Variants in SH3D21 observed in about 807,000 individuals in gnomAD.
The protein encoded by SH3D21 is manchette microtubule inner protein 1.
A neutral mutation model predicts 82.1 loss-of-function variants in SH3D21; 83 were observed. That is an observed-to-expected ratio of 1.01 (90% CI 0.85 to 1.21). SH3D21 has a LOEUF of 1.21. SH3D21 is among the 50% of genes most tolerant of loss of function. SH3D21 has a pLI of 0.00. For synonymous variants in SH3D21, 383 were observed against 387.8 expected, an observed-to-expected ratio of 0.99 and a Z score of 0.15; for missense variants, 980 against 962.1, an observed-to-expected ratio of 1.02 and a Z score of -0.25.
rs1646404290 is a variant in SH3D21, at chr1:36,319,463, G to T, written c.938G>T (p.Ser313Ile). The change falls in exon 13 of 16, where the codon AGT becomes ATT. Residue 313 changes from serine (S) to isoleucine (I), a missense_variant. Ser to Ile is a moderately radical substitution (Grantham distance 142, BLOSUM62 -2). Coordinates refer to ENST00000453908, the MANE Select transcript of SH3D21 (RefSeq NM_001162530.2). ...TTAGGCCCCAATGGTGGCTTCCAAA[G>T]TGGGGGTTCGTATCACCCTGGCCGA... The part of the protein sequence containing the change: ...RDSGPNGGFQ[S>I]GGSYHPGRKR... 6.4e-7 allele frequency: 1 copy of T among 1,551,538 alleles called. No individual in the cohort carries two copies. Among genetic ancestry groups the T allele is most frequent in the Admixed American group, 2.0e-5 (1 of 50,980 alleles).
chr1:36,322,785 C>T (rs1328647108), downstream of SH3D21: 1 of 1,512,802 alleles, frequency 6.6e-7, no homozygotes, highest in Non-Finnish European at 8.9e-7. Context: ...TGTCCCACTT[C>T]CGAAAGACCC....
rs567139590 is a variant in SH3D21, at chr1:36,321,058, C to T, written c.2202C>T (p.Val734=). The T allele has an allele frequency of 1.9e-6, 3 of 1,611,408 alleles. No individual in the cohort carries two copies. The East Asian group carries it at 6.7e-5, about 36-fold the overall frequency. ...GTCTCCACCTCACTCCCGACCAGGTCCAGGTGATGCAGGGGACCCAGAAGT... is the reference window on the plus strand; with the variant it reads ...GTCTCCACCTCACTCCCGACCAGGTTCAGGTGATGCAGGGGACCCAGAAGT... The part of the protein sequence containing the change: ...SEKEQRRRLE[V]QVMQGTQKSQ... The change falls in exon 16 of 16, where the codon GTC becomes GTT. Residue 734 remains valine, a splice_region_variant and synonymous_variant. Coordinates refer to ENST00000453908, the MANE Select transcript of SH3D21 (RefSeq NM_001162530.2). The surrounding 1 kb of genome is among the most constrained non-coding windows in gnomAD (Gnocchi z 6.1).
chr1:36,326,391 C>T (rs1001692200), downstream of SH3D21, among the ~76,000 whole-genome samples: 1 of 152,022 alleles, frequency 6.6e-6, no homozygotes. Context: ...ACAACCACAC[C>T]CTGCTAATTT....
chr1:36,316,782 G>T (rs1313978064), intron 10 of SH3D21, among the ~76,000 whole-genome samples: 1 of 129,460 alleles, frequency 7.7e-6, no homozygotes, highest in Non-Finnish European at 1.6e-5. Context: ...TTTTTTTTTG[G>T]AGACTGAGTT....
rs759079957 is a variant in SH3D21 at position 36,320,007 on chromosome 1, G to A, written c.1344G>A (p.Glu448=). Residue 448 remains glutamate (E), a synonymous_variant, in exon 14 of 16, where the codon GAG becomes GAA. Coordinates refer to ENST00000453908, the MANE Select transcript of SH3D21 (RefSeq NM_001162530.2). ...CTGTGGACAAACCCTCCACTCCAGA[G>A]AGGGTCTTTTCAGTGGAAGAGTCCC... ...TLTVDKPSTP[E]RVFSVEESPA... is the part of the protein sequence containing the mutation. 1.2e-6 allele frequency: 2 copies of A among 1,614,124 alleles called. No homozygotes were observed. The highest frequency in any genetic ancestry group is 1.7e-6 in the Non-Finnish European group (2 of 1,180,014).
At chr1:36,319,603 A>T in intron 13 of SH3D21, 67 bp downstream of exon 13, 1 of 1,550,438 alleles carries the variant, frequency 6.4e-7, no homozygotes. Context: ...TGTGGTGTGC[A>T]CGGGTGAAGT....
rs1646419510 is a variant in SH3D21 at position 36,320,051 on chromosome 1, C to G, written c.1388C>G (p.Pro463Arg). 2.5e-6 allele frequency: 4 copies of G among 1,613,990 alleles called. No individual in the cohort carries two copies. Among genetic ancestry groups the G allele is most frequent in the Non-Finnish European group, 2.5e-6 (3 of 1,180,036 alleles). ...GAGTCCCCTGCCCTAGAAGCCCCACCTATGGATAAAGTCCCTAATCCAAAG... is the reference window on the plus strand; with the variant it reads ...GAGTCCCCTGCCCTAGAAGCCCCACGTATGGATAAAGTCCCTAATCCAAAG... ...VEESPALEAP[P>R]MDKVPNPKMA... Residue 463 changes from proline to arginine, a missense_variant, in exon 14 of 16, where the codon CCT becomes CGT. Coordinates refer to ENST00000453908, the MANE Select transcript of SH3D21 (RefSeq NM_001162530.2).
rs1441542552 is a variant in SH3D21, at chr1:36,320,679, C to G, written c.2016C>G (p.Leu672=). ...CAGACTCCCAAGAGACGCTCGCGCT[C>G]CCCTCGCTGGTCCCGCAAAACTACA... ...PPPDSQETLA[L]PSLVPQNYTE... The change falls in exon 14 of 16, where the codon CTC becomes CTG. Residue 672 remains leucine (L), a synonymous_variant. Coordinates refer to ENST00000453908, the MANE Select transcript of SH3D21 (RefSeq NM_001162530.2). The G allele has an allele frequency of 6.2e-7, 1 of 1,614,160 alleles. No individual in the cohort carries two copies. The highest frequency in any genetic ancestry group is 8.5e-7 in the Non-Finnish European group (1 of 1,180,054).
chr1:36,306,994 G>A lies in SH3D21; in HGVS notation c.226+89G>A, dbSNP rs950950819. 51 of 1,394,962 alleles carry A rather than the reference G, an allele frequency of 3.7e-5. No individual in the cohort carries two copies. Among genetic ancestry groups the A allele is most frequent in the Non-Finnish European group, 4.8e-5 (51 of 1,068,498 alleles). 86.4% of individuals were successfully genotyped at this position (1,394,962 alleles called of 1,614,324 possible). A position where few individuals can be genotyped will look rare whatever the true frequency, so the allele number is the denominator to read the frequency against. On this transcript the variant is annotated intron_variant, in intron 3 of 15. Transcript: ENST00000453908. This position sits in a 1 kb window ranked among gnomAD's most constrained non-coding sequence, Gnocchi z 4.5. Reference sequence around the variant, plus strand: ...TCTCCGGCTCTTAGTGACGGGCGCGGCTCTGGGCGGGACCTCGGGGCCGCC... The same window carrying A: ...TCTCCGGCTCTTAGTGACGGGCGCGACTCTGGGCGGGACCTCGGGGCCGCC...
chr1:36,308,315 T>A, intron 8 of SH3D21, 74 bp from the exon 9 acceptor site: 1 of 1,490,468 alleles, frequency 6.7e-7, no homozygotes, highest in South Asian at 1.2e-5. Flanking sequence ...ATTATATCCA[T>A]AAGAAGGAGT....
Position 36,307,055 on chromosome 1 carries a change from C to T in SH3D21, c.227-112C>T. 1 of 1,484,032 alleles carries T rather than the reference C, an allele frequency of 6.7e-7. No homozygotes were observed. Among genetic ancestry groups the T allele is most frequent in the Non-Finnish European group, 9.0e-7 (1 of 1,113,308 alleles). 91.9% of individuals were successfully genotyped at this position (1,484,032 alleles called of 1,614,324 possible). The stretch of plus-strand genomic sequence containing the variant: ...TGATTGGTTCTCGAGTGCAATGCTC[C>T]GCCCTGGGGCGGGGCTGGAGGGACC... On this transcript the variant is annotated intron_variant, in intron 3 of 15. Transcript: ENST00000453908. The surrounding 1 kb of genome is among the most constrained non-coding windows in gnomAD (Gnocchi z 5.4).
chr1:36,322,312 G>A (rs545172227), downstream of SH3D21: 30 of 1,546,860 alleles, frequency 1.9e-5, no homozygotes, highest in East Asian at 6.7e-4. Flanking sequence ...TAGTGCATGC[G>A]GCCCAGGGTG....
At chr1:36,309,491 T>A in intron 9 of SH3D21, 57 bp from the exon 10 acceptor site, 1 of 1,546,536 alleles carries the variant, frequency 6.5e-7, no homozygotes, top group Non-Finnish European at 8.7e-7. Context: ...TGGCCTGCAT[T>A]TTGGATTTCT....
chr1:36,327,979 G>T (rs910464322), downstream of SH3D21: 6 of 797,960 alleles, frequency 7.5e-6, no homozygotes, highest in Non-Finnish European at 1.1e-5. Context: ...TGCTGTTCTG[G>T]CCCTCATCCC....
At chr1:36,319,377 G>A in intron 12 of SH3D21, 65 bp downstream of exon 12, 1 of 1,550,824 alleles carries the variant, frequency 6.4e-7, no homozygotes, top group African/African-American at 1.4e-5. Flanking sequence ...CTGTGCGGAG[G>A]GACAGAGGTG....
At chr1:36,310,180 T>A (rs1478794600) in intron 10 of SH3D21, among the ~76,000 whole-genome samples, 2 of 152,062 alleles carry the variant, frequency 1.3e-5, no homozygotes, top group African/African-American at 4.8e-5. Flanking sequence ...GGTCTCAATC[T>A]CCTGACCTCG....
downstream of SH3D21, chr1:36,322,878 C>G (rs929013794): frequency 3.3e-6 from 5 of 1,524,516 alleles, no homozygotes; most frequent in African/African-American, 6.9e-5. Context: ...GGGCGGGGAG[C>G]GGGGCGGAGG....
intron 9 of SH3D21, 52 bp from the exon 10 acceptor site, chr1:36,309,496 A>C: frequency 6.5e-7 from 1 of 1,548,258 alleles, no homozygotes; most frequent in Non-Finnish European, 8.7e-7. Context: ...TGCATTTTGG[A>C]TTTCTGATTT....
chr1:36,321,339 T>G lies in SH3D21; in HGVS notation c.*212T>G, dbSNP rs1355585160. 7 of 1,421,298 alleles carry G rather than the reference T, an allele frequency of 4.9e-6. No individual in the cohort carries two copies. Among genetic ancestry groups the G allele is most frequent in the Non-Finnish European group, 6.4e-6 (7 of 1,091,158 alleles). The allele number at this position is 1,421,298 out of a possible 1,614,324, so 88.0% of individuals were successfully genotyped here. A position where few individuals can be genotyped will look rare whatever the true frequency, so the allele number is the denominator to read the frequency against. On this transcript the variant is annotated 3_prime_UTR_variant, in exon 16 of 16. Coordinates refer to ENST00000453908, the MANE Select transcript of SH3D21 (RefSeq NM_001162530.2). This position sits in a 1 kb window ranked among gnomAD's most constrained non-coding sequence, Gnocchi z 6.1. ...ACATCTGGCCAACATGTGGCTCCCA[T>G]TACCGTTCCCAAGGCCTGCGCGCGG... is the stretch of plus-strand genomic sequence containing the variant.
Sources: allele counts gnomAD v4.1 joint callset (sites outside exome capture counted in the v4.1 genomes callset), GRCh38; gene constraint gnomAD v4.1.1; non-coding constraint Gnocchi (gnomAD v3.1); transcripts MANE v1.5; gene names NCBI Gene and HGNC (gene_info 2026-07-23, HGNC 2026-07-21).